MOV10L1: variants seen among roughly 807,000 people sequenced by gnomAD.
The protein encoded by MOV10L1 is Mov10 like RNA helicase 1.
Under a neutral mutation model 143.8 loss-of-function variants are expected in MOV10L1, and 110 were observed. The ratio of observed to expected loss-of-function variants is 0.76; its 90% CI spans 0.66 to 0.90. The LOEUF (loss-of-function observed/expected upper bound fraction) is 0.90. Ranked by LOEUF, MOV10L1 falls within the 40% of genes least tolerant of loss-of-function variation. The probability of loss-of-function intolerance (pLI) is 0.00; values close to 1 mark genes in which losing one functional copy is unlikely to be tolerated. For synonymous variants in MOV10L1, 593 were observed against 581.1 expected, an observed-to-expected ratio of 1.02 and a Z score of -0.29; for missense variants, 1,406 against 1,526.8, an observed-to-expected ratio of 0.92 and a Z score of 1.32.
intron 15 of MOV10L1, 103 bp from the exon 16 acceptor site, chr22:50,141,978 A>G: frequency 1.3e-6 from 1 of 768,228 alleles, no homozygotes; most frequent in Non-Finnish European, 2.0e-6. Flanking sequence ...CTGTTAAATA[A>G]ATATACTAAG....
At chr22:50,106,518 A>C (rs1489621243) in intron 3 of MOV10L1, among the ~76,000 whole-genome samples, 1 of 151,836 alleles carries the variant, frequency 6.6e-6, no homozygotes, top group Non-Finnish European at 1.5e-5. Flanking sequence ...GTAACTGTAC[A>C]ACGTATAGAA....
Position 50,099,484 on chromosome 22 carries a change from C to T in MOV10L1, c.324C>T (p.Asn108=). 1 of 1,614,158 alleles carries T rather than the reference C, an allele frequency of 6.2e-7. No homozygotes were observed. Among genetic ancestry groups the T allele is most frequent in the East Asian group, 2.2e-5 (1 of 44,890 alleles). ...ATAAGTGGGAAGACGACAGCAGAAACCATGGGAGTCCCTCAGACTGCGGCC... is the reference window on the plus strand; with the variant it reads ...ATAAGTGGGAAGACGACAGCAGAAATCATGGGAGTCCCTCAGACTGCGGCC... ...VSDKWEDDSR[N]HGSPSDCGPR... is the part of the protein sequence containing the mutation. Residue 108 remains asparagine, a synonymous_variant, in exon 3 of 27, where the codon AAC becomes AAT. Coordinates refer to ENST00000262794, the MANE Select transcript of MOV10L1 (RefSeq NM_018995.3).
intron 15 of MOV10L1, among the ~76,000 whole-genome samples, chr22:50,141,495 A>ATTTT (rs56881561): frequency 0.079 from 10,866 of 137,966 alleles, 557 homozygotes; most frequent in South Asian, 0.16. Context: ...TGCCCGGCTA[A>ATTTT]TTTTTTTTTT....
At chr22:50,120,397 A>G (rs2062305089) in intron 9 of MOV10L1, 105 bp from the exon 10 acceptor site, 2 of 724,334 alleles carry the variant, frequency 2.8e-6, no homozygotes, top group African/African-American at 1.8e-5. Flanking sequence ...CAGGAAATGG[A>G]TGGACTTTGG....
intron 7 of MOV10L1, 42 bp downstream of exon 7, chr22:50,114,664 C>A (rs1474122826): frequency 6.2e-7 from 1 of 1,604,210 alleles, no homozygotes; most frequent in African/African-American, 1.3e-5. Context: ...GTCGGGTGGG[C>A]TGGGGGCCGT....
chr22:50,115,333 G>T (rs1402914710), intron 8 of MOV10L1, 87 bp downstream of exon 8: 3 of 1,374,788 alleles, frequency 2.2e-6, no homozygotes, highest in Non-Finnish European at 2.8e-6. Flanking sequence ...ACTCCTTTGT[G>T]GCGGGTGGAT....
At chr22:50,161,128 C>T in intron 26 of MOV10L1, 73 bp downstream of exon 26, 1 of 1,449,192 alleles carries the variant, frequency 6.9e-7, no homozygotes. Flanking sequence ...TCCCCTGCTC[C>T]CCTCACCCCC....
At chr22:50,125,990 C>G (rs9617088) in intron 11 of MOV10L1, among the ~76,000 whole-genome samples, 1 of 150,612 alleles carries the variant, frequency 6.6e-6, no homozygotes, top group Non-Finnish European at 1.5e-5. Context: ...GATGAGGTTT[C>G]GCCGTGTTAG....
chr22:50,144,360 G>C, intron 18 of MOV10L1, 117 bp downstream of exon 18: 7 of 1,307,616 alleles, frequency 5.4e-6, no homozygotes, highest in Non-Finnish European at 7.1e-6. Context: ...GCCACAGAAA[G>C]CTGTGTTTGA....
In MOV10L1 at chr22:50,126,233, C is replaced by T. The variant is rs1323523176; in HGVS notation, c.1779C>T (p.Tyr593=). 7.4e-6 allele frequency: 12 copies of T among 1,612,234 alleles called. No homozygotes were observed. Among genetic ancestry groups the T allele is most frequent in the South Asian group, 2.2e-5 (2 of 91,016 alleles). Residue 593 remains tyrosine, a synonymous_variant, in exon 12 of 27, where the codon TAC becomes TAT. Transcript: ENST00000262794. Reference sequence around the variant, plus strand: ...AACTGATTTTAAAAACTCAAGAGTACAATGGACATGCCATCGAATACATCA... The same window carrying T: ...AACTGATTTTAAAAACTCAAGAGTATAATGGACATGCCATCGAATACATCA... ...GDKLILKTQE[Y]NGHAIEYISY...
intron 1 of MOV10L1, chr22:50,091,300 G>A (rs2062434636): frequency 1.2e-5 from 2 of 167,458 alleles, no homozygotes; most frequent in Middle Eastern, 3.4e-3. Flanking sequence ...TGGCTGGGAA[G>A]CTGCAGTAAA....
Position 50,134,514 on chromosome 22 carries a change from T to C in MOV10L1, c.1970-16T>C, listed in dbSNP as rs1383773866. 6.2e-7 allele frequency: 1 copy of C among 1,609,962 alleles called. No homozygotes were observed. Among genetic ancestry groups the C allele is most frequent in the East Asian group, 2.2e-5 (1 of 44,856 alleles). ...TTTAGTTATACCCGTGCTCTTACCATTTTTTGTTTTAAAAGTGTTGTTTCC... is the reference window on the plus strand; with the variant it reads ...TTTAGTTATACCCGTGCTCTTACCACTTTTTGTTTTAAAAGTGTTGTTTCC... On this transcript the variant is annotated splice_polypyrimidine_tract_variant and intron_variant, in intron 14 of 26. Transcript: ENST00000262794.
In MOV10L1 at chr22:50,099,489, G is replaced by A; in HGVS notation, c.329G>A (p.Gly110Glu). 6.2e-7 allele frequency: 1 copy of A among 1,614,138 alleles called. No individual in the cohort carries two copies. The highest frequency in any genetic ancestry group is 8.5e-7 in the Non-Finnish European group (1 of 1,180,032). ...DKWEDDSRNH[G>E]SPSDCGPRVL... ...TGGGAAGACGACAGCAGAAACCATG[G>A]GAGTCCCTCAGACTGCGGCCCCCGA... The change falls in exon 3 of 27, where the codon GGG (glycine) becomes GAG (glutamate). Residue 110 changes from glycine to glutamate, a missense_variant. Physicochemically the swap from Gly to Glu is moderately conservative, Grantham distance 98. This residue lies in a region of MOV10L1 where 166 missense variants were observed against 153.9 expected (regional missense o/e 1.08). Coordinates refer to ENST00000262794, the MANE Select transcript of MOV10L1 (RefSeq NM_018995.3).
At position 50,153,197 on chromosome 22, in the gene MOV10L1, T is replaced by C. The variant is rs751532762; in HGVS notation, c.3045T>C (p.Pro1015=). The C allele has an allele frequency of 4.5e-5, 73 of 1,613,740 alleles. No homozygotes were observed. The Middle Eastern group carries it at 4.9e-4, about 11-fold the overall frequency. The change falls in exon 22 of 27, where the codon CCT becomes CCC. Residue 1015 remains proline (P), a synonymous_variant. Coordinates refer to ENST00000262794, the MANE Select transcript of MOV10L1 (RefSeq NM_018995.3). ...GWEKLPKKGF[P]LIFHGVRGSE... ...AGAAGTTGCCTAAGAAAGGCTTCCC[T>C]CTCATCTTCCATGGTGTGCGGGTGA...
intron 14 of MOV10L1, 42 bp from the exon 15 acceptor site, chr22:50,134,488 T>C: frequency 6.5e-7 from 1 of 1,546,144 alleles, no homozygotes. Context: ...TTTTTTAGCT[T>C]TTTAGTTATA....
At chr22:50,092,257 A>G in intron 2 of MOV10L1, 72 bp downstream of exon 2, 1 of 1,412,812 alleles carries the variant, frequency 7.1e-7, no homozygotes, top group Non-Finnish European at 9.8e-7. Context: ...CTTGTGTTTA[A>G]TCTATCAGAC....
chr22:50,124,282 G>C (rs1326401421), intron 10 of MOV10L1, among the ~76,000 whole-genome samples: 2 of 152,154 alleles, frequency 1.3e-5, no homozygotes, highest in Non-Finnish European at 2.9e-5. Context: ...AAGTCTTGCT[G>C]TATTGTGTTT....
intron 3 of MOV10L1, among the ~76,000 whole-genome samples, chr22:50,104,998 C>G (rs1602147233): frequency 6.6e-6 from 1 of 151,570 alleles, no homozygotes; most frequent in Non-Finnish European, 1.5e-5. Context: ...CTCAAGCAGT[C>G]CTCCCACCTC....
intron 10 of MOV10L1, 25 bp downstream of exon 10, chr22:50,120,641 G>C: frequency 6.6e-7 from 1 of 1,505,118 alleles, no homozygotes; most frequent in South Asian, 1.2e-5. Context: ...ATGGCCTGTG[G>C]GGTGTTGGCA....
Sources: gnomAD v4.1 joint callset for allele counts (sites outside exome capture counted in the v4.1 genomes callset) on GRCh38, gnomAD v4.1.1 for gene constraint, gnomAD v4.1.1 regional missense constraint, MANE v1.5 for transcripts, NCBI Gene and HGNC (gene_info 2026-07-23, HGNC 2026-07-21) for gene names.